The following RIC8B variants were observed in gnomAD, a reference collection of about 807,000 sequenced individuals.
RIC8B encodes chaperone Ric-8B.
RIC8B carries 16 observed loss-of-function variants against 57.5 expected under a neutral mutation model. The ratio of observed to expected loss-of-function variants is 0.28; its 90% confidence interval spans 0.19 to 0.42. RIC8B has a LOEUF of 0.42. RIC8B is among the 10% of genes least tolerant of loss of function. The pLI, the probability that RIC8B is intolerant of heterozygous loss-of-function variation, is 1.00. For synonymous variants in RIC8B, 216 were observed against 250.8 expected, an observed-to-expected ratio of 0.86 and a Z score of 1.31; for missense variants, 481 against 677.0, an observed-to-expected ratio of 0.71 and a Z score of 3.21.
At chr12:106,779,159 C>T (rs573285133) in intron 1 of RIC8B, among the ~76,000 whole-genome samples, 3 of 152,096 alleles carry the variant, frequency 2.0e-5, no homozygotes, top group East Asian at 1.9e-4. Context: ...GTGATCTGCC[C>T]GCCTCGGCCT....
chr12:106,813,003 AG>A (rs1378379745), intron 2 of RIC8B, among the ~76,000 whole-genome samples: 5 of 152,102 alleles, frequency 3.3e-5, no homozygotes, highest in African/African-American at 4.8e-5. Flanking sequence ...AATCAATTGT[AG>A]GTTGAAAATA....
At chr12:106,841,995 A>G (rs963388041) in intron 4 of RIC8B, among the ~76,000 whole-genome samples, 7 of 152,192 alleles carry the variant, frequency 4.6e-5, no homozygotes, top group African/African-American at 9.6e-5. Flanking sequence ...TATTAACTTC[A>G]TTTAGAGACC....
Position 106,854,645 on chromosome 12 carries a change from G to T in RIC8B, c.1306+3051G>T, listed in dbSNP as rs566656322. 5.3e-5 allele frequency among the ~76,000 whole-genome samples: 8 copies of T among 152,288 alleles called. No individual in the cohort carries two copies. The South Asian group carries it at 1.7e-3, about 32-fold the overall frequency. On this transcript the variant is annotated intron_variant, in intron 7 of 9. Coordinates refer to ENST00000392837, the MANE Select transcript of RIC8B (RefSeq NM_001330145.2). Reference sequence around the variant, plus strand: ...GTCTCTACTAAAAATATAAAAATTAGCTGGACGTGGTGGTGCATGCCTGTA... The same window carrying T: ...GTCTCTACTAAAAATATAAAAATTATCTGGACGTGGTGGTGCATGCCTGTA...
In RIC8B at chr12:106,825,719, G is replaced by T; in HGVS notation, c.742-7G>T. On this transcript the variant is annotated splice_polypyrimidine_tract_variant and splice_region_variant and intron_variant, in intron 3 of 9. Transcript: ENST00000392837. ...CCAATGTTTCCTCTCTTTTTTATTT[G>T]CCATAGAGTGATTCTCATCAGTTCC... The T allele has an allele frequency of 1.2e-6, 2 of 1,609,172 alleles. No individual in the cohort carries two copies. Among genetic ancestry groups the T allele is most frequent in the Non-Finnish European group, 1.7e-6 (2 of 1,175,752 alleles).
In RIC8B at chr12:106,857,204, A is replaced by T. The variant is rs138557299; in HGVS notation, c.1307-3064A>T. 2.4e-3 allele frequency among the ~76,000 whole-genome samples: 369 copies of T among 152,260 alleles called. 1 individual carries two copies. Among genetic ancestry groups the T allele is most frequent in the African/African-American group, 8.1e-3 (336 of 41,528 alleles). ...AAAGATATTTTGGGCAGTTGTGTGG[A>T]ATAAGAAATGGAGGAGTGTGAGACT... On this transcript the variant is annotated intron_variant, in intron 7 of 9. Coordinates refer to ENST00000392837, the MANE Select transcript of RIC8B (RefSeq NM_001330145.2).
At chr12:106,841,298 A>C (rs1948932986) in intron 4 of RIC8B, among the ~76,000 whole-genome samples, 2 of 152,156 alleles carry the variant, frequency 1.3e-5, no homozygotes, top group South Asian at 4.1e-4. Context: ...TTGATGCCCT[A>C]TACATTACCA....
intron 4 of RIC8B, among the ~76,000 whole-genome samples, chr12:106,832,562 G>C (rs1001873222): frequency 7.4e-5 from 9 of 122,062 alleles, no homozygotes; most frequent in African/African-American, 1.3e-4. Flanking sequence ...GCAAGACTCT[G>C]TATGAAAAAA....
chr12:106,808,114 A>C (rs1384656629), intron 2 of RIC8B, among the ~76,000 whole-genome samples: 3 of 151,732 alleles, frequency 2.0e-5, no homozygotes, highest in African/African-American at 4.8e-5. Context: ...AGGGGAAAAA[A>C]CCTCCCAAAA....
chr12:106,819,680 A>G (rs1201302663), intron 3 of RIC8B, among the ~76,000 whole-genome samples: 2 of 150,324 alleles, frequency 1.3e-5, no homozygotes, highest in Non-Finnish European at 3.0e-5. Flanking sequence ...GGATCACTTG[A>G]GCCCAGAAGG....
Position 106,784,370 on chromosome 12 carries a change from T to G in RIC8B, c.132+326T>G, listed in dbSNP as rs74673456. 3.0e-4 allele frequency among the ~76,000 whole-genome samples: 46 copies of G among 152,310 alleles called. 2 individuals are homozygous for G. The East Asian group carries it at 8.7e-3, about 29-fold the overall frequency. ...AGACTCCAGGTTGCCCAAAATCCATTGCTAATATTACAAAACTTAGCTTGA... is the reference window on the plus strand; with the variant it reads ...AGACTCCAGGTTGCCCAAAATCCATGGCTAATATTACAAAACTTAGCTTGA... On this transcript the variant is annotated intron_variant, in intron 2 of 9. Transcript: ENST00000392837.
At chr12:106,778,243 A>G (rs1050728408) in intron 1 of RIC8B, among the ~76,000 whole-genome samples, 1 of 152,178 alleles carries the variant, frequency 6.6e-6, no homozygotes, top group Non-Finnish European at 1.5e-5. Flanking sequence ...TTTTAGAGAT[A>G]CCTGTCGGGC....
chr12:106,815,462 T>C (rs751320312), intron 3 of RIC8B, among the ~76,000 whole-genome samples, 158 bp downstream of exon 3: 1 of 152,192 alleles, frequency 6.6e-6, no homozygotes, highest in Non-Finnish European at 1.5e-5. Flanking sequence ...TCTTAACCAT[T>C]GTAAGTCTTA....
chr12:106,778,181 C>A (rs1419019557), intron 1 of RIC8B, among the ~76,000 whole-genome samples: 1 of 152,186 alleles, frequency 6.6e-6, no homozygotes, highest in Non-Finnish European at 1.5e-5. Context: ...GGAATATGCT[C>A]CATTCTTCCC....
chr12:106,786,173 G>A (rs1302427514), intron 2 of RIC8B, among the ~76,000 whole-genome samples: 1 of 113,600 alleles, frequency 8.8e-6, no homozygotes, highest in Admixed American at 1.1e-4. Context: ...TTTTTGAGAC[G>A]GAGTCTTGCT....
chr12:106,841,444 T>C (rs1052032291), intron 4 of RIC8B, among the ~76,000 whole-genome samples: 1 of 152,178 alleles, frequency 6.6e-6, no homozygotes, highest in African/African-American at 2.4e-5. Context: ...AAAATTTTTG[T>C]ATTTCTATTT....
intron 3 of RIC8B, among the ~76,000 whole-genome samples, chr12:106,816,867 A>G (rs1293582273): frequency 6.6e-6 from 1 of 152,218 alleles, no homozygotes; most frequent in African/African-American, 2.4e-5. Flanking sequence ...GCAAATACTC[A>G]TTCTGTGTTA....
Position 106,827,124 on chromosome 12 carries a change from A to G in RIC8B, c.836+1304A>G, listed in dbSNP as rs966651240. Among the ~76,000 whole-genome samples, 10 of 152,328 alleles carry G rather than the reference A, an allele frequency of 6.6e-5. No individual in the cohort carries two copies. In the East Asian group the frequency reaches 1.9e-3, roughly 29 times the overall value. ...ATTTTGCGACTTGTCCGTTAGAACTATTAACGGACTGCTGTAAAAATTTAT... is the reference window on the plus strand; with the variant it reads ...ATTTTGCGACTTGTCCGTTAGAACTGTTAACGGACTGCTGTAAAAATTTAT... On this transcript the variant is annotated intron_variant, in intron 4 of 9. Coordinates refer to ENST00000392837, the MANE Select transcript of RIC8B (RefSeq NM_001330145.2).
intron 9 of RIC8B, chr12:106,872,991 C>A: frequency 1.0e-6 from 1 of 983,922 alleles, no homozygotes; most frequent in Non-Finnish European, 1.2e-6. Context: ...ATCACAGGCA[C>A]AGAAAACAAA....
intron 1 of RIC8B, among the ~76,000 whole-genome samples, chr12:106,777,317 T>A (rs2043539820): frequency 2.0e-5 from 3 of 152,162 alleles, no homozygotes; most frequent in Admixed American, 2.0e-4. Flanking sequence ...GAATGTATGA[T>A]CATAGTGGTT....
Sources: gnomAD v4.1 joint callset for allele counts (sites outside exome capture counted in the v4.1 genomes callset) on GRCh38, gnomAD v4.1.1 for gene constraint, MANE v1.5 for transcripts, NCBI Gene and HGNC (gene_info 2026-07-23, HGNC 2026-07-21) for gene names.